FBXL17: variants seen among roughly 807,000 people sequenced by gnomAD.
FBXL17 encodes the protein F-box/LRR-repeat protein 17.
FBXL17 carries 22 observed loss-of-function variants against 66.2 expected under a neutral mutation model. The observed-to-expected ratio is 0.33, with a 90% CI of 0.24 to 0.47. The LOEUF (loss-of-function observed/expected upper bound fraction) is 0.47. Among genes scored for constraint, FBXL17 ranks in the 20% least tolerant of loss-of-function variants. The pLI is 1.00. For missense variants in FBXL17, 878 were observed against 948.2 expected (o/e 0.93, Z 0.97); for synonymous variants, 474 against 400.5 (o/e 1.18, Z -2.19).
At chr5:108,092,093 A>T (rs2091690865) in intron 6 of FBXL17, among the ~76,000 whole-genome samples, 1 of 152,152 alleles carries the variant, frequency 6.6e-6, no homozygotes, top group Non-Finnish European at 1.5e-5. Flanking sequence ...TACATACTAA[A>T]ACTTAATGGA....
chr5:108,086,879 G>C (rs1435192971), intron 6 of FBXL17, among the ~76,000 whole-genome samples: 1 of 152,004 alleles, frequency 6.6e-6, no homozygotes, highest in Non-Finnish European at 1.5e-5. Flanking sequence ...CTCTTACAAT[G>C]TGTGAGGAAA....
intron 5 of FBXL17, among the ~76,000 whole-genome samples, chr5:108,198,144 C>T (rs181842650): frequency 1.3e-5 from 2 of 152,134 alleles, no homozygotes; most frequent in South Asian, 2.1e-4. Flanking sequence ...GTCCCTATGG[C>T]TTCTCTCTGT....
At chr5:107,916,019 A>G (rs1457389594) in intron 7 of FBXL17, among the ~76,000 whole-genome samples, 3 of 152,176 alleles carry the variant, frequency 2.0e-5, no homozygotes, top group Admixed American at 6.6e-5. Flanking sequence ...TCCAGACAAT[A>G]GATTTTTCTT....
At position 108,058,864 on chromosome 5, in the gene FBXL17, C is replaced by T. The variant is rs572150776; in HGVS notation, c.1746-37863G>A. Among the ~76,000 whole-genome samples, 12 of 152,202 alleles carry T rather than the reference C, an allele frequency of 7.9e-5. No individual in the cohort carries two copies. The East Asian group carries it at 2.3e-3, about 29-fold the overall frequency. The stretch of plus-strand genomic sequence containing the variant: ...AAGCTAGTAGAAGGGCAGATTTTAG[C>T]AAGAGGAACACTCAGTATATTTGAT... On this transcript the variant is annotated intron_variant, in intron 6 of 8. Transcript: ENST00000542267.
At chr5:107,905,097 TTAA>T (rs1027217944) in intron 7 of FBXL17, among the ~76,000 whole-genome samples, 6 of 152,136 alleles carry the variant, frequency 3.9e-5, no homozygotes, top group African/African-American at 9.6e-5. Flanking sequence ...TTCATAAAAC[TTAA>T]TAATAAAAGA....
intron 6 of FBXL17, among the ~76,000 whole-genome samples, chr5:108,175,739 A>C (rs1752772153): frequency 6.6e-6 from 1 of 152,176 alleles, no homozygotes; most frequent in Admixed American, 6.5e-5. Context: ...TGCCATTTTT[A>C]ATTATTACCA....
At chr5:108,049,131 TGG>T (rs1410965455) in intron 6 of FBXL17, among the ~76,000 whole-genome samples, 2 of 151,640 alleles carry the variant, frequency 1.3e-5, no homozygotes, top group Non-Finnish European at 2.9e-5. Context: ...CAGAAGAGAC[TGG>T]GGGCCAATAT....
At chr5:108,309,581 C>T (rs368728284) in intron 4 of FBXL17, among the ~76,000 whole-genome samples, 2 of 152,020 alleles carry the variant, frequency 1.3e-5, no homozygotes, top group East Asian at 3.9e-4. Context: ...TATTTCCCAG[C>T]CATAAATAAC....
At chr5:108,368,242 G>T (rs184272807) in intron 1 of FBXL17, among the ~76,000 whole-genome samples, 32 of 150,482 alleles carry the variant, frequency 2.1e-4, no homozygotes, top group African/African-American at 7.8e-4. Context: ...AAAAAAAAAA[G>T]AATTGAAAGC....
chr5:108,254,228 G>T (rs914572535), intron 4 of FBXL17, among the ~76,000 whole-genome samples: 1 of 152,130 alleles, frequency 6.6e-6, no homozygotes, highest in African/African-American at 2.4e-5. Flanking sequence ...TGTAAACTGT[G>T]CTTCTAGAAA....
At chr5:108,101,255 A>T (rs757220318) in intron 6 of FBXL17, among the ~76,000 whole-genome samples, 4 of 152,258 alleles carry the variant, frequency 2.6e-5, no homozygotes, top group African/African-American at 4.8e-5. Context: ...CAATGTGTGT[A>T]CATAGACCTC....
At position 107,926,831 on chromosome 5, in the gene FBXL17, A is replaced by C. The variant is rs1230941773; in HGVS notation, c.1823-45652T>G. On this transcript the variant is annotated intron_variant, in intron 7 of 8. Transcript: ENST00000542267. Reference sequence around the variant, plus strand: ...TAATGCACATTTTGGAGCTATCTACAACTGATTTCTCCAGTAAGTTATGAT... The same window carrying C: ...TAATGCACATTTTGGAGCTATCTACCACTGATTTCTCCAGTAAGTTATGAT... 5.9e-5 allele frequency among the ~76,000 whole-genome samples: 9 copies of C among 152,118 alleles called. 1 individual carries two copies. The highest frequency in any genetic ancestry group is 5.9e-4 in the Admixed American group (9 of 15,254).
Position 107,944,042 on chromosome 5 carries a change from A to C in FBXL17, c.1823-62863T>G, listed in dbSNP as rs1297645494. Among the ~76,000 whole-genome samples the C allele has an allele frequency of 4.6e-5, 7 of 152,244 alleles. No individual in the cohort carries two copies. The East Asian group carries it at 1.4e-3, about 29-fold the overall frequency. On this transcript the variant is annotated intron_variant, in intron 7 of 8. Transcript: ENST00000542267. The stretch of plus-strand genomic sequence containing the variant: ...GTTGCATATGCTGTGCATTTTGTAT[A>C]CCATGCCCTTGATGTGAATAATTCA...
At chr5:107,980,664 A>ATATATTTTTTTT in intron 7 of FBXL17, among the ~76,000 whole-genome samples, 4 of 62,106 alleles carry the variant, frequency 6.4e-5, no homozygotes, top group African/African-American at 1.0e-4. Context: ...ATATATATAT[A>ATATATTTTTTTT]TTTTTTTTTT....
At position 108,077,498 on chromosome 5, in the gene FBXL17, ACAAAAAAT is replaced by A. The variant is rs1342770497; in HGVS notation, c.1746-56505_1746-56498del. ...AGGTAACAAATGAAACCCCATCTCT[ACAAAAAAT>A]CAAAAAATTAACCAGATGTGGTAGC... On this transcript the variant is annotated intron_variant, in intron 6 of 8. Coordinates refer to ENST00000542267, the MANE Select transcript of FBXL17 (RefSeq NM_001163315.3). 3.3e-5 allele frequency among the ~76,000 whole-genome samples: 5 copies of A among 152,052 alleles called. No individual in the cohort carries two copies. In the East Asian group the frequency reaches 9.7e-4, roughly 30 times the overall value.
rs548227947 is a variant in FBXL17, at chr5:107,867,903, C to T, written c.1966-6043G>A. Among the ~76,000 whole-genome samples the T allele has an allele frequency of 9.9e-5, 15 of 152,268 alleles. No homozygotes were observed. The South Asian group carries it at 1.9e-3, about 19-fold the overall frequency. On this transcript the variant is annotated intron_variant, in intron 8 of 8. Coordinates refer to ENST00000542267, the MANE Select transcript of FBXL17 (RefSeq NM_001163315.3). ...TGCTAAACACGTAGTATTAGGCTTT[C>T]GTGTGTTAAGAGACAATCAAACGCT...
chr5:108,247,869 T>C (rs1756175323), intron 4 of FBXL17, among the ~76,000 whole-genome samples: 1 of 152,178 alleles, frequency 6.6e-6, no homozygotes, highest in African/African-American at 2.4e-5. Flanking sequence ...GGCAAGATGG[T>C]GTATTCTATT....
At chr5:108,198,200 G>A (rs533897339) in intron 5 of FBXL17, among the ~76,000 whole-genome samples, 26 of 152,196 alleles carry the variant, frequency 1.7e-4, no homozygotes, top group Admixed American at 1.2e-3. Flanking sequence ...AGTCACCTAG[G>A]AAGAAACTAA....
At chr5:108,217,849 C>T (rs76641943) in intron 5 of FBXL17, among the ~76,000 whole-genome samples, 6,635 of 152,094 alleles carry the variant, frequency 0.044, 791 homozygotes, top group East Asian at 0.4. Flanking sequence ...TTAGATTCCA[C>T]ATGTAAGAAG....
Sources: gnomAD v4.1 joint callset for allele counts (sites outside exome capture counted in the v4.1 genomes callset) on GRCh38, gnomAD v4.1.1 for gene constraint, MANE v1.5 for transcripts, NCBI Gene and HGNC (gene_info 2026-07-23, HGNC 2026-07-21) for gene names.